PSD2: variants seen among roughly 807,000 people sequenced by gnomAD.
PSD2 encodes pleckstrin and Sec7 domain containing 2.
PSD2 carries 38 observed loss-of-function variants against 69.8 expected under a neutral mutation model. The ratio of observed to expected loss-of-function variants is 0.54; its 90% CI spans 0.42 to 0.71. The LOEUF is 0.71. PSD2 is among the 30% of genes least tolerant of loss of function. The pLI, the probability that PSD2 is intolerant of heterozygous loss-of-function variation, is 0.00. For missense variants in PSD2, 943 were observed against 1,014.5 expected (o/e 0.93, Z 0.96); for synonymous variants, 412 against 423.0 (o/e 0.97, Z 0.32).
At chr5:139,819,974 A>G (rs964134597) in intron 5 of PSD2, among the ~76,000 whole-genome samples, 1 of 152,182 alleles carries the variant, frequency 6.6e-6, no homozygotes, top group Non-Finnish European at 1.5e-5. Flanking sequence ...TACTGGCCCC[A>G]ATGTACTGGT....
Position 139,813,563 on chromosome 5 carries a change from T to G in PSD2, c.626T>G (p.Met209Arg). The G allele has an allele frequency of 6.2e-7, 1 of 1,612,398 alleles. No individual in the cohort carries two copies. The highest frequency in any genetic ancestry group is 8.5e-7 in the Non-Finnish European group (1 of 1,178,706). ...GGGGACATGGCGTTTGAGGGGGACA[T>G]GGGGGCAGCTGGTGGTGATGGGGAG... ...GIGDMAFEGDMGAAGGDGELG... is the reference protein window; with the variant it reads ...GIGDMAFEGDRGAAGGDGELG... Residue 209 changes from methionine to arginine, a missense_variant, in exon 3 of 15, where the codon ATG becomes AGG. By Grantham distance (91) the Met-to-Arg change is moderately conservative. Around this residue, in one of 3 missense-constraint regions of PSD2, gnomAD observed 466 missense variants for 445.0 expected, o/e 1.05. Coordinates refer to ENST00000274710, the MANE Select transcript of PSD2 (RefSeq NM_032289.4).
At chr5:139,770,652 C>G in the PSD2 span, among the ~76,000 whole-genome samples, 1 of 152,196 alleles carries the variant, frequency 6.6e-6, no homozygotes, top group Admixed American at 6.5e-5. Context: ...GCTGGATAAG[C>G]CAACCGCTGA....
In PSD2 at chr5:139,844,251, AGCTCTG is replaced by A. The variant is rs1760945371; in HGVS notation, c.*1780_*1785del. 1 of 152,210 alleles carries A rather than the reference AGCTCTG, an allele frequency of 6.6e-6. No individual in the cohort carries two copies. The highest frequency in any genetic ancestry group is 1.5e-5 in the Non-Finnish European group (1 of 68,028). The allele number at this position is 152,210 out of a possible 1,614,324, so 9.4% of individuals were successfully genotyped here. A position where few individuals can be genotyped will look rare whatever the true frequency, so the allele number is the denominator to read the frequency against. Reference sequence around the variant, plus strand: ...CGGGTGAGTGGAGAGCAGAGCCAGGAGCTCTGGCAGCTGTGGACAGATGTGCTTCCT... The same window carrying A: ...CGGGTGAGTGGAGAGCAGAGCCAGGAGCAGCTGTGGACAGATGTGCTTCCT... On this transcript the variant is annotated 3_prime_UTR_variant, in exon 15 of 15. Transcript: ENST00000274710.
At chr5:139,746,235 G>C in the PSD2 span, 3 of 152,196 alleles carry the variant, frequency 2.0e-5, no homozygotes, top group African/African-American at 7.2e-5. This position sits in a 1 kb window ranked among gnomAD's most constrained non-coding sequence, Gnocchi z 4.5. Context: ...ACCCCCAGCG[G>C]GGGGCTTTTC....
At chr5:139,825,683 G>A (rs933669382) in intron 7 of PSD2, among the ~76,000 whole-genome samples, 1 of 150,340 alleles carries the variant, frequency 6.7e-6, no homozygotes, top group Non-Finnish European at 1.5e-5. Context: ...ACTTCTGTGT[G>A]GGGGTGGTGG....
At chr5:139,796,945 C>A (rs1357351488) in intron 1 of PSD2, among the ~76,000 whole-genome samples, 1 of 152,128 alleles carries the variant, frequency 6.6e-6, no homozygotes, top group Non-Finnish European at 1.5e-5. Context: ...GGCAGGTGGG[C>A]AGCCTGGGTT....
chr5:139,835,356 T>C (rs369377178), intron 8 of PSD2, among the ~76,000 whole-genome samples: 18 of 151,940 alleles, frequency 1.2e-4, no homozygotes, highest in African/African-American at 4.1e-4. Flanking sequence ...CATCCATCCA[T>C]TCACTCACCC....
intron 7 of PSD2, among the ~76,000 whole-genome samples, chr5:139,832,579 C>T (rs1287308556): frequency 1.3e-5 from 2 of 152,194 alleles, no homozygotes; most frequent in Non-Finnish European, 2.9e-5. Context: ...CACAAATCAG[C>T]ATGGTAAAGA....
intron 14 of PSD2, among the ~76,000 whole-genome samples, chr5:139,841,999 T>G (rs904258712): frequency 6.6e-6 from 1 of 152,236 alleles, no homozygotes; most frequent in African/African-American, 2.4e-5. Flanking sequence ...TTTTCAATTT[T>G]GATATAGTCC....
At chr5:139,825,833 G>T (rs1385931543) in intron 7 of PSD2, among the ~76,000 whole-genome samples, 2 of 152,202 alleles carry the variant, frequency 1.3e-5, no homozygotes, top group African/African-American at 4.8e-5. Flanking sequence ...GACAGAGATG[G>T]GGTGGGGTGG....
upstream of PSD2, among the ~76,000 whole-genome samples, chr5:139,795,670 G>A (rs1361315817): frequency 6.6e-6 from 1 of 151,572 alleles, no homozygotes; most frequent in African/African-American, 2.4e-5. This position sits in a 1 kb window ranked among gnomAD's most constrained non-coding sequence, Gnocchi z 4.5. Context: ...CGCTGCAAGC[G>A]GACAGGGCTG....
chr5:139,814,477 A>G lies in PSD2; in HGVS notation c.1016+113A>G. 1.1e-6 allele frequency: 1 copy of G among 937,854 alleles called. No homozygotes were observed. The highest frequency in any genetic ancestry group is 1.9e-5 in the South Asian group (1 of 51,864). The allele number at this position is 937,854 out of a possible 1,614,324, so 58.1% of individuals were successfully genotyped here. A position where few individuals can be genotyped will look rare whatever the true frequency, so the allele number is the denominator to read the frequency against. ...TGCCAGGTGCTGGGGGGGCACTCCC[A>G]ACAGTTCCCCAAGGACACCTCCTCC... On this transcript the variant is annotated intron_variant, in intron 4 of 14. Transcript: ENST00000274710. This position sits in a 1 kb window ranked among gnomAD's most constrained non-coding sequence, Gnocchi z 4.4.
At chr5:139,750,885 C>G in the PSD2 span, among the ~76,000 whole-genome samples, 1 of 152,156 alleles carries the variant, frequency 6.6e-6, no homozygotes, top group Non-Finnish European at 1.5e-5. Context: ...CCAGGCTGAG[C>G]AAGGAGGCCC....
intron 1 of PSD2, among the ~76,000 whole-genome samples, chr5:139,805,759 G>A (rs1759788374): frequency 6.6e-6 from 1 of 152,194 alleles, no homozygotes; most frequent in Non-Finnish European, 1.5e-5. Context: ...ATGAACTCAG[G>A]GAGCGGAAAG....
the PSD2 span, among the ~76,000 whole-genome samples, chr5:139,742,921 T>A: frequency 6.6e-6 from 1 of 152,148 alleles, no homozygotes; most frequent in African/African-American, 2.4e-5. Context: ...CCTTAAGGGC[T>A]GGTTGGAGTG....
Position 139,836,918 on chromosome 5 carries a change from A to T in PSD2, c.1511A>T (p.Asp504Val), listed in dbSNP as rs1760735805. ...RILDGGNPFL[D>V]VPQALSATTY... ...CTGGATGGTGGCAACCCCTTCCTGG[A>T]TGTCCCACAGGCGCTCAGTGCCACC... The change falls in exon 10 of 15, where the codon GAT (aspartate) becomes GTT (valine). Residue 504 changes from aspartate (D) to valine (V), a missense_variant. By Grantham distance (152) the Asp-to-Val change is radical. Coordinates refer to ENST00000274710, the MANE Select transcript of PSD2 (RefSeq NM_032289.4). 1 of 1,614,050 alleles carries T rather than the reference A, an allele frequency of 6.2e-7. No homozygotes were observed.
At chr5:139,744,680 C>T in the PSD2 span, among the ~76,000 whole-genome samples, 2 of 152,188 alleles carry the variant, frequency 1.3e-5, no homozygotes, top group Admixed American at 6.5e-5. Context: ...ACATGCAGCT[C>T]CCCGCTCCTG....
the PSD2 span, among the ~76,000 whole-genome samples, chr5:139,765,843 C>T: frequency 1.3e-5 from 2 of 152,234 alleles, no homozygotes; most frequent in East Asian, 1.9e-4. Context: ...CCGCCGCCGT[C>T]GTGGCTTTGG....
At chr5:139,787,596 T>G in the PSD2 span, among the ~76,000 whole-genome samples, 1 of 152,226 alleles carries the variant, frequency 6.6e-6, no homozygotes, top group African/African-American at 2.4e-5. Flanking sequence ...GGAGTCCGCC[T>G]GGTGCCGCGG....
Sources: allele counts gnomAD v4.1 joint callset (sites outside exome capture counted in the v4.1 genomes callset), GRCh38; gene constraint gnomAD v4.1.1; regional missense constraint gnomAD v4.1.1; non-coding constraint Gnocchi (gnomAD v3.1); transcripts MANE v1.5; gene names NCBI Gene and HGNC (gene_info 2026-07-23, HGNC 2026-07-21).